The following CHAT variants were observed in gnomAD, a reference collection of about 807,000 sequenced individuals.
CHAT encodes the protein choline O-acetyltransferase.
CHAT carries 61 observed loss-of-function variants against 76.9 expected under a neutral mutation model. The observed-to-expected ratio is 0.79, with a 90% confidence interval of 0.65 to 0.98. CHAT has a LOEUF of 0.98. Ranked by LOEUF, CHAT falls within the 50% of genes least tolerant of loss-of-function variation. CHAT has a pLI of 0.00. For missense variants in CHAT, 946 were observed against 986.9 expected, an observed-to-expected ratio of 0.96 and a Z score of 0.56; for synonymous variants, 407 against 397.4, an observed-to-expected ratio of 1.02 and a Z score of -0.29.
intron 2 of CHAT, among the ~76,000 whole-genome samples, chr10:49,617,856 C>T (rs974893578): frequency 2.0e-5 from 3 of 152,156 alleles, no homozygotes; most frequent in South Asian, 2.1e-4. Context: ...CGCATCATTC[C>T]CCAGGGCAGG....
upstream of CHAT, chr10:49,610,647 C>G (rs905172223): frequency 8.6e-6 from 11 of 1,283,692 alleles, no homozygotes; most frequent in East Asian, 1.4e-4. Flanking sequence ...GCCAGGACAG[C>G]CTCCCCGAAG....
intron 7 of CHAT, among the ~76,000 whole-genome samples, chr10:49,638,438 A>G (rs1487460275): frequency 6.6e-6 from 1 of 152,206 alleles, no homozygotes; most frequent in Non-Finnish European, 1.5e-5. Flanking sequence ...TACACTTTAC[A>G]TAATTATCGA....
At chr10:49,628,659 G>A (rs530854899) in intron 7 of CHAT, among the ~76,000 whole-genome samples, 128 of 152,340 alleles carry the variant, frequency 8.4e-4, no homozygotes, top group Non-Finnish European at 1.5e-3. Context: ...CGTCAAAAAC[G>A]TGCTCCAGGA....
chr10:49,654,251 A>G (rs1590618805), intron 11 of CHAT, among the ~76,000 whole-genome samples: 1 of 152,152 alleles, frequency 6.6e-6, no homozygotes, highest in African/African-American at 2.4e-5. Context: ...AGTGTCACAC[A>G]CCCTGCAGAC....
rs1263382138 is a variant in CHAT, at chr10:49,662,779, C to T, written c.1974C>T (p.Ser658=). ...GCAACCGGTTTGTCCTCTCCACTAG[C>T]CAGGTACGGCCCCGTGCAGCTATCG... ...LMSNRFVLST[S]QVPTTTEMFC... The change falls in exon 14 of 15, where the codon AGC becomes AGT. Residue 658 remains serine, a synonymous_variant. Coordinates refer to ENST00000337653, the MANE Select transcript of CHAT (RefSeq NM_020549.5). 1 of 1,614,088 alleles carries T rather than the reference C, an allele frequency of 6.2e-7. No individual in the cohort carries two copies. The highest frequency in any genetic ancestry group is 1.3e-5 in the African/African-American group (1 of 74,926).
rs114719193 is a variant in CHAT, at chr10:49,665,021, G to A, written c.2222G>A (p.Arg741Lys). The A allele has an allele frequency of 2.7e-4, 437 of 1,614,072 alleles. 2 individuals are homozygous for A. The Middle Eastern group carries it at 3.7e-3, about 14-fold the overall frequency. Reference sequence around the variant, plus strand: ...TTGGCAACAAAGGAAAAAGCCACGAGGCCCAGCCAGGGACACCAACCTTGA... The same window carrying A: ...TTGGCAACAAAGGAAAAAGCCACGAAGCCCAGCCAGGGACACCAACCTTGA... ...KPLATKEKAT[R>K]PSQGHQP The change falls in exon 15 of 15, where the codon AGG (arginine) becomes AAG (lysine). Residue 741 changes from arginine (R) to lysine (K), a missense_variant. Arg to Lys is a conservative substitution (Grantham distance 26, BLOSUM62 2). Transcript: ENST00000337653.
In CHAT at chr10:49,667,838, GAAGAAATATATGTAAGATTA is replaced by G. The variant is rs537373371; in HGVS notation, c.*2798_*2817del. Among the ~76,000 whole-genome samples the G allele has an allele frequency of 8.5e-5, 13 of 152,244 alleles. No individual in the cohort carries two copies. Among genetic ancestry groups the G allele is most frequent in the South Asian group, 2.1e-4 (1 of 4,816 alleles). ...ATTTTAATTTCTAGTTTTGTGCTTT[GAAGAAATATATGTAAGATTA>G]AAGAACTGTATATTGTAAGCATTAT... On this transcript the variant is annotated 3_prime_UTR_variant, in exon 15 of 15. Transcript: ENST00000337653.
At chr10:49,645,198 T>C (rs1839617353) in intron 7 of CHAT, among the ~76,000 whole-genome samples, 1 of 152,144 alleles carries the variant, frequency 6.6e-6, no homozygotes, top group African/African-American at 2.4e-5. Context: ...GGACATGTGG[T>C]GTGCAACTAG....
chr10:49,636,636 A>G (rs1476926334), intron 7 of CHAT, among the ~76,000 whole-genome samples: 1 of 152,190 alleles, frequency 6.6e-6, no homozygotes, highest in Non-Finnish European at 1.5e-5. Flanking sequence ...TTTCAGTGAA[A>G]TTATTTGGGC....
Position 49,657,115 on chromosome 10 carries a change from A to T in CHAT, c.1839+1667A>T, listed in dbSNP as rs537315404. 3.5e-4 allele frequency among the ~76,000 whole-genome samples: 53 copies of T among 152,346 alleles called. 1 individual carries two copies. The highest frequency in any genetic ancestry group is 3.4e-3 in the Middle Eastern group (1 of 294). ...AGAAGCTTGGGAGACTGGGTAATTTATGAAGAACAGATAATTATTTTTTAA... is the reference window on the plus strand; with the variant it reads ...AGAAGCTTGGGAGACTGGGTAATTTTTGAAGAACAGATAATTATTTTTTAA... On this transcript the variant is annotated intron_variant, in intron 13 of 14. Transcript: ENST00000337653.
intron 11 of CHAT, among the ~76,000 whole-genome samples, chr10:49,653,727 T>C (rs1436711956): frequency 3.3e-5 from 5 of 152,320 alleles, no homozygotes; most frequent in African/African-American, 9.6e-5. Context: ...TTTGGAATGG[T>C]GGTCAGTGCC....
rs980920293 is a variant in CHAT at position 49,627,203 on chromosome 10, G to A, written c.934-405G>A. On this transcript the variant is annotated intron_variant, in intron 6 of 14. Transcript: ENST00000337653. ...GAGAGGCACATTCCTCGTGTCTTCC[G>A]GTACACACGGGTACGTTTCTCTAAG... is the stretch of plus-strand genomic sequence containing the variant. Among the ~76,000 whole-genome samples the A allele has an allele frequency of 6.6e-5, 10 of 152,170 alleles. No individual in the cohort carries two copies. The East Asian group carries it at 1.2e-3, about 18-fold the overall frequency.
At position 49,666,952 on chromosome 10, in the gene CHAT, A is replaced by G. The variant is rs141346215; in HGVS notation, c.*1906A>G. 6.6e-6 allele frequency among the ~76,000 whole-genome samples: 1 copy of G among 152,194 alleles called. No homozygotes were observed. Among genetic ancestry groups the G allele is most frequent in the African/African-American group, 2.4e-5 (1 of 41,512 alleles). On this transcript the variant is annotated 3_prime_UTR_variant, in exon 15 of 15. Coordinates refer to ENST00000337653, the MANE Select transcript of CHAT (RefSeq NM_020549.5). Reference sequence around the variant, plus strand: ...GTTCTCCTCCGGTTCCTTTCCCTCCATGGATTTCTGCGCAGACATAGAGCT... The same window carrying G: ...GTTCTCCTCCGGTTCCTTTCCCTCCGTGGATTTCTGCGCAGACATAGAGCT...
intron 7 of CHAT, among the ~76,000 whole-genome samples, chr10:49,636,936 T>TA (rs1222192191): frequency 2.6e-5 from 4 of 152,222 alleles, no homozygotes; most frequent in Non-Finnish European, 1.5e-5. Flanking sequence ...TTTATGTGTA[T>TA]AGAATTGTTC....
rs1446408798 is a variant in CHAT at position 49,667,877 on chromosome 10, G to A, written c.*2831G>A. ...AAGATTAAAGAACTGTATATTGTAA[G>A]CATTATATTCAAATTATTTAAAAAT... On this transcript the variant is annotated 3_prime_UTR_variant, in exon 15 of 15. Coordinates refer to ENST00000337653, the MANE Select transcript of CHAT (RefSeq NM_020549.5). Among the ~76,000 whole-genome samples, 1 of 152,168 alleles carries A rather than the reference G, an allele frequency of 6.6e-6. No homozygotes were observed. The highest frequency in any genetic ancestry group is 6.5e-5 in the Admixed American group (1 of 15,290).
chr10:49,665,674 C>T lies in CHAT; in HGVS notation c.*628C>T, dbSNP rs530404915. 3.3e-5 allele frequency among the ~76,000 whole-genome samples: 5 copies of T among 152,280 alleles called. No individual in the cohort carries two copies. Among genetic ancestry groups the T allele is most frequent in the Non-Finnish European group, 5.9e-5 (4 of 68,026 alleles). ...GGGCCCACAAACACATTTCTGCTTTCGTGCCCAGGGGCAGCCTTCTGTTGA... is the reference window on the plus strand; with the variant it reads ...GGGCCCACAAACACATTTCTGCTTTTGTGCCCAGGGGCAGCCTTCTGTTGA... On this transcript the variant is annotated 3_prime_UTR_variant, in exon 15 of 15. Transcript: ENST00000337653.
At chr10:49,611,895 C>T (rs557909255), upstream of CHAT, 6 of 1,611,292 alleles carry the variant, frequency 3.7e-6, no homozygotes, top group South Asian at 5.5e-5. Flanking sequence ...CGCTAGTGGT[C>T]TCACTATGCG....
At chr10:49,652,917 T>TC (rs1358079137) in intron 11 of CHAT, among the ~76,000 whole-genome samples, 1 of 151,974 alleles carries the variant, frequency 6.6e-6, no homozygotes, top group Non-Finnish European at 1.5e-5. Context: ...TCGAAGCCTT[T>TC]CCCCACCCCC....
intron 6 of CHAT, among the ~76,000 whole-genome samples, chr10:49,626,554 A>C (rs954468684): frequency 1.3e-5 from 2 of 152,104 alleles, no homozygotes; most frequent in African/African-American, 2.4e-5. Context: ...TTTGAAGGCC[A>C]TCTAGGAGCT....
Sources: gnomAD v4.1 joint callset for allele counts (sites outside exome capture counted in the v4.1 genomes callset) on GRCh38, gnomAD v4.1.1 for gene constraint, MANE v1.5 for transcripts, NCBI Gene and HGNC (gene_info 2026-07-23, HGNC 2026-07-21) for gene names.